MAPKAP1: variants seen among roughly 807,000 people sequenced by gnomAD.
MAPKAP1 encodes MAPK associated protein 1, also known as target of rapamycin complex 2 subunit MAPKAP1.
A neutral mutation model predicts 65.7 loss-of-function variants in MAPKAP1; 20 were observed. The observed-to-expected ratio is 0.30, with a 90% confidence interval of 0.21 to 0.44. The LOEUF is 0.44. Ranked by LOEUF, MAPKAP1 falls within the 20% of genes least tolerant of loss-of-function variation. The pLI is 1.00. For synonymous variants in MAPKAP1, 222 were observed against 244.3 expected, an observed-to-expected ratio of 0.91 and a Z score of 0.85; for missense variants, 423 against 648.0, an observed-to-expected ratio of 0.65 and a Z score of 3.77.
intron 4 of MAPKAP1, among the ~76,000 whole-genome samples, chr9:125,602,550 A>G (rs1832328965): frequency 6.6e-6 from 1 of 152,278 alleles, no homozygotes; most frequent in Non-Finnish European, 1.5e-5. Context: ...GCAAAGCAAC[A>G]CAAAGTAAAA....
chr9:125,634,193 G>A (rs975088114), intron 4 of MAPKAP1, among the ~76,000 whole-genome samples: 3 of 152,156 alleles, frequency 2.0e-5, no homozygotes, highest in African/African-American at 7.2e-5. Flanking sequence ...TCACCTCCTT[G>A]AGGAAAATTA....
intron 4 of MAPKAP1, among the ~76,000 whole-genome samples, chr9:125,631,436 C>G (rs997010607): frequency 2.0e-5 from 3 of 152,222 alleles, no homozygotes; most frequent in African/African-American, 7.2e-5. Flanking sequence ...CACATCTTCT[C>G]TGGATGGATT....
intron 3 of MAPKAP1, among the ~76,000 whole-genome samples, chr9:125,663,545 C>A (rs374400887): frequency 1.3e-5 from 2 of 152,124 alleles, no homozygotes; most frequent in Admixed American, 6.6e-5. Context: ...TACCCCCAAT[C>A]GAATATAAGC....
intron 4 of MAPKAP1, 103 bp downstream of exon 4, chr9:125,657,548 T>G: frequency 2.8e-6 from 3 of 1,063,640 alleles, no homozygotes; most frequent in Non-Finnish European, 4.1e-6. Context: ...TCAACTGATA[T>G]TCTACAAAGC....
chr9:125,557,467 AG>A (rs760627726), intron 6 of MAPKAP1, among the ~76,000 whole-genome samples: 30 of 152,368 alleles, frequency 2.0e-4, no homozygotes, highest in African/African-American at 4.1e-4. Context: ...AAATGATTTT[AG>A]GAATTCTGTT....
intron 5 of MAPKAP1, among the ~76,000 whole-genome samples, chr9:125,562,075 A>C (rs1830909441): frequency 6.6e-6 from 1 of 152,206 alleles, no homozygotes. Flanking sequence ...ATTGCCATGT[A>C]AATCAACCTG....
chr9:125,580,515 A>G (rs1831586579), intron 5 of MAPKAP1, among the ~76,000 whole-genome samples: 1 of 113,150 alleles, frequency 8.8e-6, no homozygotes, highest in African/African-American at 3.4e-5. Context: ...GGCGGGGAAC[A>G]TCACACACTG....
intron 4 of MAPKAP1, among the ~76,000 whole-genome samples, chr9:125,600,413 C>T (rs376397407): frequency 1.3e-5 from 2 of 152,138 alleles, no homozygotes; most frequent in African/African-American, 4.8e-5. Context: ...CTTGGGTAAG[C>T]CCATAATCTC....
At chr9:125,512,470 C>T (rs957452548) in intron 7 of MAPKAP1, among the ~76,000 whole-genome samples, 4 of 152,224 alleles carry the variant, frequency 2.6e-5, no homozygotes, top group Admixed American at 1.3e-4. Flanking sequence ...CTATGATGAC[C>T]TGGACATGCA....
chr9:125,695,486 T>C (rs1002522063), intron 1 of MAPKAP1, among the ~76,000 whole-genome samples: 7 of 152,214 alleles, frequency 4.6e-5, no homozygotes, highest in Non-Finnish European at 1.5e-5. Context: ...CAAAGTGCTG[T>C]CATTTTTCAT....
chr9:125,541,643 C>T (rs1373069546), intron 7 of MAPKAP1, among the ~76,000 whole-genome samples: 1 of 152,028 alleles, frequency 6.6e-6, no homozygotes, highest in Admixed American at 6.6e-5. Context: ...TTCAATCATC[C>T]CCTAAATGCA....
chr9:125,632,225 G>GAAA lies in MAPKAP1; in HGVS notation c.498+25423_498+25425dup, dbSNP rs57409863. On this transcript the variant is annotated intron_variant, in intron 4 of 11. Coordinates refer to ENST00000265960, the MANE Select transcript of MAPKAP1 (RefSeq NM_001006617.3). ...TGACAGAGCAAGACTCCGTCTCAAA[G>GAAA]AAAAAAAAAAAAGAAGAAACTCACC... Among the ~76,000 whole-genome samples, 9 of 143,384 alleles carry GAAA rather than the reference G, an allele frequency of 6.3e-5. 1 individual carries two copies. Among genetic ancestry groups the GAAA allele is most frequent in the Non-Finnish European group, 1.0e-4 (7 of 66,714 alleles). 94.1% of individuals were successfully genotyped at this position (143,384 alleles called of 152,430 possible).
intron 2 of MAPKAP1, 138 bp from the exon 3 acceptor site, chr9:125,670,045 C>T (rs1224624875): frequency 1.8e-5 from 9 of 498,480 alleles, no homozygotes; most frequent in Admixed American, 3.9e-5. Flanking sequence ...TTAAAGGTGG[C>T]ACCCCTGAAA....
In MAPKAP1 at chr9:125,669,804, T is replaced by C. The variant is rs1834445130; in HGVS notation, c.349+14A>G. On this transcript the variant is annotated intron_variant, in intron 3 of 11. Coordinates refer to ENST00000265960, the MANE Select transcript of MAPKAP1 (RefSeq NM_001006617.3). The stretch of plus-strand genomic sequence containing the variant: ...ATAAATCTCAAATTAAGAATTAAAA[T>C]CATTTCCATTTACCTGATTGCTTAG... 4 of 1,349,920 alleles carry C rather than the reference T, an allele frequency of 3.0e-6. No individual in the cohort carries two copies. Among genetic ancestry groups the C allele is most frequent in the Non-Finnish European group, 4.1e-6 (4 of 965,472 alleles). 83.6% of individuals were successfully genotyped at this position (1,349,920 alleles called of 1,614,324 possible). A position where few individuals can be genotyped will look rare whatever the true frequency, so the allele number is the denominator to read the frequency against.
At chr9:125,466,547 T>TGG (rs1853685143) in intron 10 of MAPKAP1, among the ~76,000 whole-genome samples, 1 of 152,144 alleles carries the variant, frequency 6.6e-6, no homozygotes, top group Admixed American at 6.5e-5. Context: ...CCTAAGTTCT[T>TGG]GGAGAGAAAG....
chr9:125,543,108 T>C lies in MAPKAP1; in HGVS notation c.909A>G (p.Glu303=), dbSNP rs1830304341. Residue 303 remains glutamate (E), a synonymous_variant, in exon 7 of 12, where the codon GAA becomes GAG. Transcript: ENST00000265960. ...QVDNTKVTMK[E]ILLKAVKRRK... is the part of the protein sequence containing the mutation. ...TTCGCTTCACTGCCTTCAGTAAGAT[T>C]TCCTTCATGGTAACCTTTGTGTTGT... 6.2e-7 allele frequency: 1 copy of C among 1,614,008 alleles called. No homozygotes were observed. The highest frequency in any genetic ancestry group is 1.7e-5 in the Admixed American group (1 of 60,002).
At chr9:125,694,192 G>T (rs748914150) in intron 1 of MAPKAP1, among the ~76,000 whole-genome samples, 5 of 151,934 alleles carry the variant, frequency 3.3e-5, no homozygotes, top group Non-Finnish European at 7.4e-5. Context: ...GCCAGGTGTG[G>T]TGGTGCACAC....
At chr9:125,628,721 G>A (rs1331862805) in intron 4 of MAPKAP1, among the ~76,000 whole-genome samples, 2 of 152,022 alleles carry the variant, frequency 1.3e-5, no homozygotes, top group Non-Finnish European at 1.5e-5. Context: ...AGACAAATGG[G>A]ACTATATCAA....
intron 5 of MAPKAP1, among the ~76,000 whole-genome samples, chr9:125,571,220 A>G (rs1394128643): frequency 1.3e-5 from 2 of 152,240 alleles, no homozygotes; most frequent in Non-Finnish European, 2.9e-5. Flanking sequence ...ATTAATCATT[A>G]TAATTGTTAT....
Sources: gnomAD v4.1 joint callset for allele counts (sites outside exome capture counted in the v4.1 genomes callset) on GRCh38, gnomAD v4.1.1 for gene constraint, MANE v1.5 for transcripts, NCBI Gene and HGNC (gene_info 2026-07-23, HGNC 2026-07-21) for gene names.